ZFAT: variants seen among roughly 807,000 people sequenced by gnomAD.
The protein encoded by ZFAT is zinc finger and AT-hook domain containing.
ZFAT carries 64 observed loss-of-function variants against 117.7 expected under a neutral mutation model. That is an observed-to-expected ratio of 0.54 (90% CI 0.44 to 0.67). The LOEUF (loss-of-function observed/expected upper bound fraction) is 0.67. Among genes scored for constraint, ZFAT ranks in the 30% least tolerant of loss-of-function variants. ZFAT has a pLI of 0.00. For missense variants in ZFAT, 1,433 were observed against 1,584.5 expected (o/e 0.90, Z 1.62); for synonymous variants, 679 against 615.0 (o/e 1.10, Z -1.54).
the ZFAT span, among the ~76,000 whole-genome samples, chr8:134,743,999 A>G: frequency 1.3e-4 from 20 of 152,338 alleles, 3 homozygotes; most frequent in Admixed American, 1.1e-3. Flanking sequence ...TTTGTTTTCT[A>G]TTGCTACATA....
chr8:134,769,573 G>C, the ZFAT span, among the ~76,000 whole-genome samples: 1 of 152,164 alleles, frequency 6.6e-6, no homozygotes, highest in Non-Finnish European at 1.5e-5. Context: ...TTTTCCAGGT[G>C]CATGGTGCAA....
intron 15 of ZFAT, among the ~76,000 whole-genome samples, chr8:134,485,141 G>A (rs984524762): frequency 1.3e-5 from 2 of 152,186 alleles, no homozygotes; most frequent in African/African-American, 2.4e-5. Context: ...TAGCTTTAGA[G>A]AAGAGGCAGA....
intron 2 of ZFAT, among the ~76,000 whole-genome samples, chr8:134,641,549 G>A (rs911855483): frequency 2.0e-5 from 3 of 152,158 alleles, no homozygotes; most frequent in Non-Finnish European, 2.9e-5. Flanking sequence ...CCACACACAC[G>A]TAGGGTGTGT....
At chr8:134,807,175 T>A in the ZFAT span, among the ~76,000 whole-genome samples, 4 of 152,342 alleles carry the variant, frequency 2.6e-5, no homozygotes, top group African/African-American at 9.6e-5. Context: ...CAAAAGCAGT[T>A]TATGAATATC....
At chr8:134,486,336 G>A (rs1169947503) in intron 15 of ZFAT, among the ~76,000 whole-genome samples, 1 of 150,218 alleles carries the variant, frequency 6.7e-6, no homozygotes, top group Non-Finnish European at 1.5e-5. Flanking sequence ...TTTAGGACAG[G>A]AATCATCCTT....
intron 11 of ZFAT, among the ~76,000 whole-genome samples, chr8:134,552,997 T>A (rs1301709123): frequency 6.6e-6 from 1 of 152,212 alleles, no homozygotes; most frequent in East Asian, 1.9e-4. Context: ...TGGGGCCTTG[T>A]GGCATGTCCT....
chr8:134,558,865 AAC>A lies in ZFAT; in HGVS notation c.2976+6466_2976+6467del, dbSNP rs1293877737. Among the ~76,000 whole-genome samples, 3 of 152,362 alleles carry A rather than the reference AAC, an allele frequency of 2.0e-5. No homozygotes were observed. In the East Asian group the frequency reaches 5.8e-4, roughly 29 times the overall value. On this transcript the variant is annotated intron_variant, in intron 11 of 15. Coordinates refer to ENST00000377838, the MANE Select transcript of ZFAT (RefSeq NM_020863.4). ...TTACAGATCATAAAATTTGTTAAATAACACAGCCTATAAGTGGTGCAGCCAGA... is the reference window on the plus strand; with the variant it reads ...TTACAGATCATAAAATTTGTTAAATAACAGCCTATAAGTGGTGCAGCCAGA...
At chr8:134,625,126 G>A (rs908734558) in intron 3 of ZFAT, among the ~76,000 whole-genome samples, 2 of 152,134 alleles carry the variant, frequency 1.3e-5, no homozygotes, top group African/African-American at 4.8e-5. Flanking sequence ...GCTCTTCCTC[G>A]CCCTCTTCCC....
At chr8:134,538,356 C>T (rs1012484640) in intron 11 of ZFAT, among the ~76,000 whole-genome samples, 5 of 152,034 alleles carry the variant, frequency 3.3e-5, no homozygotes, top group African/African-American at 4.8e-5. Context: ...CAGGGGGTGG[C>T]GCCGGTGACC....
chr8:134,492,412 T>C (rs1192667122), intron 15 of ZFAT, among the ~76,000 whole-genome samples: 1 of 152,236 alleles, frequency 6.6e-6, no homozygotes, highest in Non-Finnish European at 1.5e-5. Context: ...CTCCATGTTA[T>C]GGTAAGAATT....
intron 3 of ZFAT, among the ~76,000 whole-genome samples, chr8:134,635,598 T>A (rs907599125): frequency 6.6e-6 from 1 of 151,624 alleles, no homozygotes; most frequent in African/African-American, 2.4e-5. Context: ...TATGTATGCA[T>A]GTGAGACAGA....
intron 1 of ZFAT, among the ~76,000 whole-genome samples, chr8:134,671,067 T>C (rs6980840): frequency 0.34 from 52,173 of 151,568 alleles, 9,273 homozygotes; most frequent in South Asian, 0.43. Flanking sequence ...AAGTTCAATC[T>C]CTGAATAGAC....
intron 1 of ZFAT, among the ~76,000 whole-genome samples, chr8:134,706,471 C>T (rs1834155123): frequency 6.6e-6 from 1 of 152,144 alleles, no homozygotes; most frequent in African/African-American, 2.4e-5. Flanking sequence ...GTGGGCAAAT[C>T]ACTTGAGGTC....
intron 3 of ZFAT, among the ~76,000 whole-genome samples, chr8:134,627,189 A>G (rs1829576477): frequency 6.6e-6 from 1 of 152,196 alleles, no homozygotes; most frequent in South Asian, 2.1e-4. Context: ...ATTTTACACC[A>G]TTCTGGGAGT....
At chr8:134,612,550 C>G (rs534793974) in intron 3 of ZFAT, among the ~76,000 whole-genome samples, 5 of 152,220 alleles carry the variant, frequency 3.3e-5, no homozygotes, top group Non-Finnish European at 5.9e-5. Context: ...TTGATCAAAA[C>G]AAACATTCTA....
intron 3 of ZFAT, among the ~76,000 whole-genome samples, chr8:134,617,776 T>G (rs1828848664): frequency 6.6e-6 from 1 of 152,224 alleles, no homozygotes. Context: ...CCCTCTGAGC[T>G]GCCGTAAACC....
In ZFAT at chr8:134,615,703, T is replaced by C. The variant is rs182725087; in HGVS notation, c.449-5048A>G. Among the ~76,000 whole-genome samples the C allele has an allele frequency of 3.3e-5, 5 of 152,224 alleles. No individual in the cohort carries two copies. In the East Asian group the frequency reaches 9.6e-4, roughly 29 times the overall value. ...CTCAAGACTGCCCCAAATACACACC[T>C]CCAAGCCCCCACATCCTTCATCAAT... On this transcript the variant is annotated intron_variant, in intron 3 of 15. Transcript: ENST00000377838.
intron 7 of ZFAT, among the ~76,000 whole-genome samples, chr8:134,593,534 T>A (rs1217769789): frequency 6.6e-6 from 1 of 152,156 alleles, no homozygotes; most frequent in Non-Finnish European, 1.5e-5. Flanking sequence ...AGAGCCCAGC[T>A]TTTGGAGTCT....
At chr8:134,542,185 C>T (rs534773882) in intron 11 of ZFAT, among the ~76,000 whole-genome samples, 2 of 152,328 alleles carry the variant, frequency 1.3e-5, no homozygotes, top group South Asian at 2.1e-4. Context: ...ACCCCATCAC[C>T]CCATCAGCAG....
Sources: gnomAD v4.1 joint callset for allele counts (sites outside exome capture counted in the v4.1 genomes callset) on GRCh38, gnomAD v4.1.1 for gene constraint, MANE v1.5 for transcripts, NCBI Gene and HGNC (gene_info 2026-07-23, HGNC 2026-07-21) for gene names.